DGKD: variants seen among roughly 807,000 people sequenced by gnomAD.
The protein encoded by DGKD is diacylglycerol kinase delta.
DGKD carries 68 observed loss-of-function variants against 154.4 expected under a neutral mutation model. The ratio of observed to expected loss-of-function variants is 0.44; its 90% CI spans 0.36 to 0.54. The LOEUF is 0.54. Among genes scored for constraint, DGKD ranks in the 20% least tolerant of loss-of-function variants. The probability of loss-of-function intolerance (pLI) is 0.00; values close to 1 mark genes in which losing one functional copy is unlikely to be tolerated. For synonymous variants in DGKD, 693 were observed against 638.0 expected, an observed-to-expected ratio of 1.09 and a Z score of -1.30; for missense variants, 1,343 against 1,593.6, an observed-to-expected ratio of 0.84 and a Z score of 2.68.
intron 1 of DGKD, among the ~76,000 whole-genome samples, chr2:233,385,753 A>G (rs1031306009): frequency 1.3e-4 from 20 of 152,154 alleles, no homozygotes; most frequent in African/African-American, 4.3e-4. Flanking sequence ...ATTGCTTTTG[A>G]CTAAATGTTT....
intron 3 of DGKD, among the ~76,000 whole-genome samples, chr2:233,423,835 T>G (rs1184419102): frequency 6.6e-6 from 1 of 152,182 alleles, no homozygotes; most frequent in Non-Finnish European, 1.5e-5. Context: ...ATCACTGTTT[T>G]CGGCTGCTGC....
At chr2:233,393,493 C>T (rs1047231311) in intron 3 of DGKD, among the ~76,000 whole-genome samples, 4 of 151,462 alleles carry the variant, frequency 2.6e-5, no homozygotes, top group African/African-American at 7.3e-5. Flanking sequence ...TGTCCCACCA[C>T]GCCTGGCTGA....
chr2:233,444,466 C>T (rs1012174865), intron 10 of DGKD, among the ~76,000 whole-genome samples: 3 of 151,884 alleles, frequency 2.0e-5, no homozygotes, highest in South Asian at 2.1e-4. Flanking sequence ...GCCTGTCTGC[C>T]TCCTGTTTCC....
chr2:233,408,325 C>T lies in DGKD; in HGVS notation c.348+17842C>T, dbSNP rs182922146. On this transcript the variant is annotated intron_variant, in intron 3 of 29. Transcript: ENST00000264057. The stretch of plus-strand genomic sequence containing the variant: ...ATGGGATTACAGGCGTGAGCCACTG[C>T]GCCCATCCAGAGAAACTGTATATAA... Among the ~76,000 whole-genome samples the T allele has an allele frequency of 5.3e-5, 8 of 152,352 alleles. No individual in the cohort carries two copies. In the South Asian group the frequency reaches 6.2e-4, roughly 12 times the overall value.
At chr2:233,388,190 T>G (rs1410044296) in intron 1 of DGKD, 67 bp from the exon 2 acceptor site, 2 of 1,578,910 alleles carry the variant, frequency 1.3e-6, no homozygotes, top group African/African-American at 2.7e-5. Flanking sequence ...ACAGGCTGCG[T>G]TTCAGCCGGA....
chr2:233,438,762 CT>C lies in DGKD; in HGVS notation c.1085+384del, dbSNP rs1559549713. On this transcript the variant is annotated intron_variant, in intron 9 of 29. Transcript: ENST00000264057. The surrounding 1 kb of genome is among the most constrained non-coding windows in gnomAD (Gnocchi z 4.1). ...ATTTATCTGTCTATCTATCATCTAT[CT>C]ATCTATCTATCTATCTATCTATCTA... Among the ~76,000 whole-genome samples the C allele has an allele frequency of 2.2e-3, 193 of 88,346 alleles. 3 individuals are homozygous for C. The highest frequency in any genetic ancestry group is 0.02 in the East Asian group (51 of 2,490). The allele number at this position is 88,346 out of a possible 152,430, so 58.0% of individuals were successfully genotyped here.
intron 24 of DGKD, among the ~76,000 whole-genome samples, chr2:233,460,893 A>G (rs368981740): frequency 6.6e-6 from 1 of 152,088 alleles, no homozygotes; most frequent in Non-Finnish European, 1.5e-5. Flanking sequence ...CTCTGCCTCA[A>G]AAACAAACAA....
intron 12 of DGKD, among the ~76,000 whole-genome samples, chr2:233,447,010 T>C (rs536653441): frequency 6.6e-6 from 1 of 152,324 alleles, no homozygotes; most frequent in Admixed American, 6.5e-5. Context: ...CTCTAGGGGC[T>C]TCCTGGGGTT....
chr2:233,433,005 G>A (rs2062580605), intron 3 of DGKD, among the ~76,000 whole-genome samples: 1 of 152,196 alleles, frequency 6.6e-6, no homozygotes. Context: ...TTGTAAATTA[G>A]CACAGCCACC....
At chr2:233,423,874 A>G (rs1200310727) in intron 3 of DGKD, among the ~76,000 whole-genome samples, 3 of 152,090 alleles carry the variant, frequency 2.0e-5, no homozygotes, top group Admixed American at 6.6e-5. Context: ...AGGGTATACC[A>G]GGTAAAAAGA....
intron 19 of DGKD, 115 bp from the exon 20 acceptor site, chr2:233,456,784 G>A (rs1195849947): frequency 4.0e-6 from 3 of 757,160 alleles, no homozygotes; most frequent in South Asian, 1.8e-5. Flanking sequence ...GTAAATAATT[G>A]CTAAATGTAG....
chr2:233,357,651 C>T (rs1311028117), intron 1 of DGKD, among the ~76,000 whole-genome samples: 1 of 151,684 alleles, frequency 6.6e-6, no homozygotes, highest in African/African-American at 2.4e-5. Flanking sequence ...ATTTTCCTGC[C>T]TCAGCCTCCC....
At chr2:233,433,048 T>C (rs1043502261) in intron 3 of DGKD, among the ~76,000 whole-genome samples, 6 of 152,208 alleles carry the variant, frequency 3.9e-5, no homozygotes, top group African/African-American at 1.4e-4. Flanking sequence ...CTCAAAAAAG[T>C]CAAAATACAA....
chr2:233,366,164 C>T (rs182341959), intron 1 of DGKD, among the ~76,000 whole-genome samples: 9 of 152,232 alleles, frequency 5.9e-5, no homozygotes, highest in Non-Finnish European at 1.3e-4. Context: ...GGGTTGGAGG[C>T]TGTGTTAGGG....
chr2:233,354,661 A>T lies in DGKD; in HGVS notation c.143A>T (p.Gln48Leu), dbSNP rs1574965093. ...KLIRKVSTSG[Q>L]IRQKTIIKEG... ...ATCCGCAAGGTGTCCACGTCGGGTC[A>T]GATCCGACAGAAGGTGAGCCCGCGG... The change falls in exon 1 of 30, where the codon CAG becomes CTG. Residue 48 changes from glutamine (Q) to leucine (L), a missense_variant. This residue lies in a region of DGKD where 332 missense variants were observed against 400.1 expected (regional missense o/e 0.83). Coordinates refer to ENST00000264057, the MANE Select transcript of DGKD (RefSeq NM_152879.3). The surrounding 1 kb of genome is among the most constrained non-coding windows in gnomAD (Gnocchi z 4.8). 1 of 1,046,416 alleles carries T rather than the reference A, an allele frequency of 9.6e-7. No homozygotes were observed. The highest frequency in any genetic ancestry group is 1.2e-6 in the Non-Finnish European group (1 of 865,156). 64.8% of individuals were successfully genotyped at this position (1,046,416 alleles called of 1,614,324 possible).
intron 1 of DGKD, among the ~76,000 whole-genome samples, chr2:233,375,971 G>A (rs1702555360): frequency 6.6e-6 from 1 of 152,142 alleles, no homozygotes; most frequent in Admixed American, 6.5e-5. Flanking sequence ...GCCACACTCA[G>A]CACTCAAGTG....
At chr2:233,402,606 T>C (rs1002006231) in intron 3 of DGKD, among the ~76,000 whole-genome samples, 1 of 152,224 alleles carries the variant, frequency 6.6e-6, no homozygotes, top group South Asian at 2.1e-4. Flanking sequence ...TGGACCCCTC[T>C]GTGGGCCAGG....
chr2:233,466,846 G>C (rs776377291), intron 27 of DGKD, among the ~76,000 whole-genome samples: 1 of 152,198 alleles, frequency 6.6e-6, no homozygotes, highest in African/African-American at 2.4e-5. Context: ...GTAAAGTGAA[G>C]GAAGTAGAAT....
chr2:233,446,826 T>A (rs2063090427), intron 12 of DGKD, 30 bp downstream of exon 12: 1 of 1,612,488 alleles, frequency 6.2e-7, no homozygotes, highest in Non-Finnish European at 8.5e-7. Context: ...CACACCCTGC[T>A]CGCATGCTGA....
Sources: allele counts gnomAD v4.1 joint callset (sites outside exome capture counted in the v4.1 genomes callset), GRCh38; gene constraint gnomAD v4.1.1; regional missense constraint gnomAD v4.1.1; non-coding constraint Gnocchi (gnomAD v3.1); transcripts MANE v1.5; gene names NCBI Gene and HGNC (gene_info 2026-07-23, HGNC 2026-07-21).